FILIP1L: variants seen among roughly 807,000 people sequenced by gnomAD.
FILIP1L encodes the protein filamin A-interacting protein 1-like.
Under a neutral mutation model 96.6 loss-of-function variants are expected in FILIP1L, and 55 were observed. The ratio of observed to expected loss-of-function variants is 0.57; its 90% CI spans 0.46 to 0.71. The LOEUF (loss-of-function observed/expected upper bound fraction) is 0.71, where lower values mean the gene tolerates loss of function less well. Ranked by LOEUF, FILIP1L falls within the 30% of genes least tolerant of loss-of-function variation. The pLI is 0.00. For missense variants in FILIP1L, 1,304 were observed against 1,321.2 expected, an observed-to-expected ratio of 0.99 and a Z score of 0.20; for synonymous variants, 467 against 473.9, an observed-to-expected ratio of 0.99 and a Z score of 0.19.
In FILIP1L at chr3:99,929,981, C is replaced by A; in HGVS notation, c.301G>T (p.Ala101Ser). 1 of 1,613,976 alleles carries A rather than the reference C, an allele frequency of 6.2e-7. No individual in the cohort carries two copies. The highest frequency in any genetic ancestry group is 8.5e-7 in the Non-Finnish European group (1 of 1,179,956). ...GILKAEKMDL[A>S]LLEAQYGFVT... ...AACCCATACTGAGCTTCCAGCAAAGCCAGGTCCATTTTTTCAGCCTTTAAA... is the reference window on the plus strand; with the variant it reads ...AACCCATACTGAGCTTCCAGCAAAGACAGGTCCATTTTTTCAGCCTTTAAA... Residue 101 changes from alanine to serine, a missense_variant, in exon 3 of 6, where the codon GCT becomes TCT. Transcript: ENST00000477258.
rs1484143677 is a variant in FILIP1L at position 99,829,440 on chromosome 3, GT to G, written c.*973del. 6.6e-6 allele frequency among the ~76,000 whole-genome samples: 1 copy of G among 152,132 alleles called. No individual in the cohort carries two copies. Among genetic ancestry groups the G allele is most frequent in the African/African-American group, 2.4e-5 (1 of 41,422 alleles). ...ACTGTGTCTACCCTTATAGATGACT[GT>G]TTGAATTCAACATTTTGTATTAATA... On this transcript the variant is annotated 3_prime_UTR_variant, in exon 6 of 6. Transcript: ENST00000477258.
chr3:99,916,283 A>G (rs752398777), intron 4 of FILIP1L, among the ~76,000 whole-genome samples: 1 of 151,332 alleles, frequency 6.6e-6, no homozygotes, highest in Non-Finnish European at 1.5e-5. Flanking sequence ...TTAGGGCTTT[A>G]GATTGGGAAT....
At chr3:99,986,512 C>T (rs1465508175) in intron 1 of FILIP1L, among the ~76,000 whole-genome samples, 1 of 152,024 alleles carries the variant, frequency 6.6e-6, no homozygotes, top group Non-Finnish European at 1.5e-5. Context: ...TAGACGAGAA[C>T]AGGAGTTACA....
intron 4 of FILIP1L, among the ~76,000 whole-genome samples, chr3:99,879,261 CAAG>C (rs1463269762): frequency 6.6e-6 from 1 of 152,114 alleles, no homozygotes; most frequent in Non-Finnish European, 1.5e-5. Context: ...AGGCAAGAAA[CAAG>C]GAGATACCAA....
In FILIP1L at chr3:100,071,090, CTTT is replaced by C. The variant is rs61563009; in HGVS notation, c.-11+42960_-11+42962del. ...TTGTTTTTAAGAGAAGCTACTCTCT[CTTT>C]TTTTTTTTTTTTTTTTTTGGATGGA... On this transcript the variant is annotated intron_variant, in intron 1 of 5. Coordinates refer to ENST00000477258, the MANE Select transcript of FILIP1L (RefSeq NM_001387850.1). Among the ~76,000 whole-genome samples the C allele has an allele frequency of 8.1e-3, 574 of 70,580 alleles. 2 individuals are homozygous for C. The highest frequency in any genetic ancestry group is 0.015 in the South Asian group (27 of 1,852). 46.3% of individuals were successfully genotyped at this position (70,580 alleles called of 152,430 possible). A position where few individuals can be genotyped will look rare whatever the true frequency, so the allele number is the denominator to read the frequency against.
chr3:100,087,336 T>C (rs935917772), intron 1 of FILIP1L, among the ~76,000 whole-genome samples: 5 of 152,250 alleles, frequency 3.3e-5, no homozygotes, highest in African/African-American at 1.2e-4. Flanking sequence ...GAAATTCCAG[T>C]TGCTCAGCAA....
rs150974543 is a variant in FILIP1L, at chr3:99,911,169, A to G, written c.605+13061T>C. On this transcript the variant is annotated intron_variant, in intron 4 of 5. Transcript: ENST00000477258. Reference sequence around the variant, plus strand: ...TGAGATTTATTTTTCCATTTGCTTCAGCCAAATGGAAATGTATTTCTTCAA... The same window carrying G: ...TGAGATTTATTTTTCCATTTGCTTCGGCCAAATGGAAATGTATTTCTTCAA... 7.3e-3 allele frequency among the ~76,000 whole-genome samples: 1,104 copies of G among 152,216 alleles called. 19 individuals are homozygous for G. The highest frequency in any genetic ancestry group is 0.024 in the African/African-American group (1,015 of 41,522).
intron 4 of FILIP1L, among the ~76,000 whole-genome samples, chr3:99,877,419 A>G (rs1292359239): frequency 6.6e-6 from 1 of 152,196 alleles, no homozygotes; most frequent in Non-Finnish European, 1.5e-5. Context: ...GGTGTGGAAT[A>G]AAGATGCAGG....
At chr3:99,862,317 T>A (rs958209918) in intron 4 of FILIP1L, among the ~76,000 whole-genome samples, 1 of 152,182 alleles carries the variant, frequency 6.6e-6, no homozygotes, top group Non-Finnish European at 1.5e-5. Context: ...CACAATGAGC[T>A]GACCTAAAGT....
chr3:99,910,006 G>GT (rs1706742881), intron 4 of FILIP1L, among the ~76,000 whole-genome samples: 1 of 85,074 alleles, frequency 1.2e-5, no homozygotes, highest in African/African-American at 3.1e-5. Context: ...CTGAAATTTT[G>GT]TTTAAGAATA....
intron 4 of FILIP1L, chr3:99,876,021 T>A: frequency 2.0e-6 from 2 of 983,358 alleles, no homozygotes; most frequent in Non-Finnish European, 2.4e-6. Context: ...GCTACCTGGC[T>A]GTCTGACAGC....
chr3:99,859,403 G>T (rs1345525769), intron 4 of FILIP1L, among the ~76,000 whole-genome samples: 5 of 152,236 alleles, frequency 3.3e-5, no homozygotes, highest in Admixed American at 6.5e-5. Flanking sequence ...TTGAAACAGT[G>T]TAACAGTCAC....
chr3:99,904,995 T>A (rs1285815127), intron 4 of FILIP1L, among the ~76,000 whole-genome samples: 1 of 152,160 alleles, frequency 6.6e-6, no homozygotes, highest in East Asian at 1.9e-4. Context: ...ATTGGTGGCA[T>A]CCTCAGATCC....
chr3:99,894,071 T>C (rs887366620), intron 4 of FILIP1L, among the ~76,000 whole-genome samples: 1 of 152,208 alleles, frequency 6.6e-6, no homozygotes, highest in Non-Finnish European at 1.5e-5. Context: ...AAATTTTCTT[T>C]CCTCTCTGCT....
In FILIP1L at chr3:100,113,052, G is replaced by A. The variant is rs183479030; in HGVS notation, c.-11+1001C>T. Among the ~76,000 whole-genome samples the A allele has an allele frequency of 1.9e-4, 29 of 152,260 alleles. No individual in the cohort carries two copies. The East Asian group carries it at 4.8e-3, about 25-fold the overall frequency. ...TCCTTTATGCATATCTAATACACAC[G>A]TGGAATATGGTAGTGTAGTTAAACA... is the stretch of plus-strand genomic sequence containing the variant. On this transcript the variant is annotated intron_variant, in intron 1 of 5. Coordinates refer to ENST00000477258, the MANE Select transcript of FILIP1L (RefSeq NM_001387850.1).
intron 1 of FILIP1L, among the ~76,000 whole-genome samples, chr3:99,941,259 T>C (rs1439933918): frequency 1.3e-5 from 2 of 152,196 alleles, no homozygotes; most frequent in Non-Finnish European, 2.9e-5. Flanking sequence ...TGAAGTGTTA[T>C]AAAGCTCACA....
At chr3:99,874,001 A>G (rs992826303) in intron 4 of FILIP1L, among the ~76,000 whole-genome samples, 9 of 152,240 alleles carry the variant, frequency 5.9e-5, no homozygotes, top group Admixed American at 5.2e-4. Context: ...GAAATTGCTC[A>G]TCCAAAGAGC....
chr3:99,928,064 A>G (rs1039351869), intron 3 of FILIP1L, among the ~76,000 whole-genome samples: 1 of 152,222 alleles, frequency 6.6e-6, no homozygotes, highest in Non-Finnish European at 1.5e-5. Flanking sequence ...GGGGCTGTTA[A>G]CACTTCAAGA....
chr3:99,879,810 G>A (rs1354380161), intron 4 of FILIP1L, among the ~76,000 whole-genome samples: 1 of 152,210 alleles, frequency 6.6e-6, no homozygotes, highest in Admixed American at 6.5e-5. Context: ...AGCAAGACCT[G>A]TATAAGACCT....
Sources: gnomAD v4.1 joint callset for allele counts (sites outside exome capture counted in the v4.1 genomes callset) on GRCh38, gnomAD v4.1.1 for gene constraint, MANE v1.5 for transcripts, NCBI Gene and HGNC (gene_info 2026-07-23, HGNC 2026-07-21) for gene names.